The following ALOX5AP variants were observed in gnomAD, a reference collection of about 807,000 sequenced individuals.
ALOX5AP encodes arachidonate 5-lipoxygenase activating protein.
Under a neutral mutation model 18.5 loss-of-function variants are expected in ALOX5AP, and 9 were observed. The ratio of observed to expected loss-of-function variants is 0.49; its 90% CI spans 0.29 to 0.85. The LOEUF is 0.85. Ranked by LOEUF, ALOX5AP falls within the 40% of genes least tolerant of loss-of-function variation. The pLI, the probability that ALOX5AP is intolerant of heterozygous loss-of-function variation, is 0.08. For missense variants in ALOX5AP, 172 were observed against 202.5 expected, an observed-to-expected ratio of 0.85 and a Z score of 0.91; for synonymous variants, 81 against 78.6, an observed-to-expected ratio of 1.03 and a Z score of -0.16.
intron 2 of ALOX5AP, chr13:30,744,534 G>A (rs920032133): frequency 5.9e-6 from 1 of 169,272 alleles, no homozygotes; most frequent in African/African-American, 2.4e-5. Flanking sequence ...GCCACAGGCA[G>A]GACATGCTGA....
intron 1 of ALOX5AP, among the ~76,000 whole-genome samples, chr13:30,735,940 A>G (rs1951717281): frequency 6.6e-6 from 1 of 152,206 alleles, no homozygotes; most frequent in Admixed American, 6.5e-5. Context: ...AGGTTTTGCT[A>G]AAACCCTCAC....
At chr13:30,725,978 C>T (rs1951636495) in intron 1 of ALOX5AP, among the ~76,000 whole-genome samples, 1 of 152,196 alleles carries the variant, frequency 6.6e-6, no homozygotes, top group South Asian at 2.1e-4. Context: ...ATATATGATG[C>T]TATTTCTCCC....
At chr13:30,727,778 T>G (rs1049675409) in intron 1 of ALOX5AP, among the ~76,000 whole-genome samples, 1 of 152,118 alleles carries the variant, frequency 6.6e-6, no homozygotes, top group African/African-American at 2.4e-5. Flanking sequence ...TGTTGGTGAG[T>G]GATAGTTACG....
intron 4 of ALOX5AP, among the ~76,000 whole-genome samples, chr13:30,758,573 C>G (rs1449378796): frequency 6.6e-6 from 1 of 152,132 alleles, no homozygotes. Context: ...GAGCTTCTTC[C>G]TTCAGGCTTC....
Position 30,762,612 on chromosome 13 carries a change from G to T in ALOX5AP, c.324-1332G>T, listed in dbSNP as rs150989666. Among the ~76,000 whole-genome samples, 405 of 151,172 alleles carry T rather than the reference G, an allele frequency of 2.7e-3. 2 individuals carry two copies. The highest frequency in any genetic ancestry group is 9.5e-3 in the African/African-American group (389 of 41,030). ...CAAAAAAAAAAAAAGAAAAGAAAAA[G>T]AAAAATTATGAGTTATATTATCAGC... On this transcript the variant is annotated intron_variant, in intron 4 of 4. Coordinates refer to ENST00000380490, the MANE Select transcript of ALOX5AP (RefSeq NM_001629.4).
intron 1 of ALOX5AP, among the ~76,000 whole-genome samples, chr13:30,714,568 T>C (rs1341806271): frequency 2.8e-5 from 1 of 36,000 alleles, no homozygotes; most frequent in Non-Finnish European, 4.8e-5. Flanking sequence ...GCAAGAGAGC[T>C]TGGTGGAGGT....
chr13:30,723,303 T>C (rs1288232818), intron 1 of ALOX5AP, among the ~76,000 whole-genome samples: 1 of 152,218 alleles, frequency 6.6e-6, no homozygotes, highest in African/African-American at 2.4e-5. Context: ...TGTGTCTAGA[T>C]TCATTTTTTT....
chr13:30,729,740 C>T (rs1368636812), intron 1 of ALOX5AP, among the ~76,000 whole-genome samples: 1 of 152,160 alleles, frequency 6.6e-6, no homozygotes, highest in Admixed American at 6.5e-5. Flanking sequence ...CTATGCCCAT[C>T]TAATTTTTGT....
intron 1 of ALOX5AP, among the ~76,000 whole-genome samples, chr13:30,719,820 C>T (rs1951579259): frequency 6.6e-6 from 1 of 152,052 alleles, no homozygotes; most frequent in Non-Finnish European, 1.5e-5. Context: ...AACAGTAGGA[C>T]TGTAGTTCAA....
chr13:30,741,286 T>G (rs1951762051), intron 1 of ALOX5AP, among the ~76,000 whole-genome samples: 1 of 150,950 alleles, frequency 6.6e-6, no homozygotes. Context: ...TTTTTTTGTA[T>G]TTTTTAGTAG....
In ALOX5AP at chr13:30,752,102, C is replaced by T. The variant is rs148308449; in HGVS notation, c.221C>T (p.Ala74Val). 2.0e-5 allele frequency: 32 copies of T among 1,614,012 alleles called. No homozygotes were observed. The highest frequency in any genetic ancestry group is 1.6e-4 in the African/African-American group (12 of 74,930). Residue 74 changes from alanine (A) to valine (V), a missense_variant, in exon 3 of 5, where the codon GCG (alanine) becomes GTG (valine). Coordinates refer to ENST00000380490, the MANE Select transcript of ALOX5AP (RefSeq NM_001629.4). Reference sequence around the variant, plus strand: ...ACTTTCCTCGCTGTGCTCTGGTCTGCGGGGCTACTTTGCAGCCAAGGTAAC... The same window carrying T: ...ACTTTCCTCGCTGTGCTCTGGTCTGTGGGGCTACTTTGCAGCCAAGGTAAC... ...YPTFLAVLWS[A>V]GLLCSQVPAA...
At chr13:30,719,355 G>A (rs1225138711) in intron 1 of ALOX5AP, among the ~76,000 whole-genome samples, 1 of 152,194 alleles carries the variant, frequency 6.6e-6, no homozygotes, top group Non-Finnish European at 1.5e-5. Flanking sequence ...CTCACAGGGC[G>A]TGACCTCTCT....
At chr13:30,737,349 A>G (rs1951729544) in intron 1 of ALOX5AP, among the ~76,000 whole-genome samples, 1 of 152,242 alleles carries the variant, frequency 6.6e-6, no homozygotes, top group African/African-American at 2.4e-5. Flanking sequence ...TGCTCTGCCC[A>G]GGGCTTTCTC....
intron 1 of ALOX5AP, among the ~76,000 whole-genome samples, chr13:30,716,280 G>A (rs144320817): frequency 2.2e-3 from 340 of 152,282 alleles, no homozygotes; most frequent in Non-Finnish European, 3.3e-3. Flanking sequence ...AAGGGACACC[G>A]GCCTCATACC....
At chr13:30,733,899 G>A (rs1334254998), upstream of ALOX5AP, among the ~76,000 whole-genome samples, 1 of 152,104 alleles carries the variant, frequency 6.6e-6, no homozygotes, top group Admixed American at 6.5e-5. Context: ...CCTGCCCTTG[G>A]ACACTGGAGC....
chr13:30,751,537 TAA>T (rs1303206947), intron 2 of ALOX5AP, among the ~76,000 whole-genome samples: 1 of 152,254 alleles, frequency 6.6e-6, no homozygotes, highest in Non-Finnish European at 1.5e-5. Context: ...CTTAGTAAGC[TAA>T]GTTTCTGAGC....
intron 2 of ALOX5AP, among the ~76,000 whole-genome samples, chr13:30,745,828 G>A (rs530789666): frequency 5.9e-5 from 9 of 152,270 alleles, no homozygotes; most frequent in African/African-American, 2.2e-4. Flanking sequence ...CTCCCCAGAC[G>A]AAATCCAAAG....
At chr13:30,733,381 A>G (rs1425361015), upstream of ALOX5AP, among the ~76,000 whole-genome samples, 1 of 152,204 alleles carries the variant, frequency 6.6e-6, no homozygotes, top group Admixed American at 6.5e-5. Context: ...TTTCTGATGC[A>G]TTGTCACTAA....
chr13:30,740,451 T>C (rs1020751887), intron 1 of ALOX5AP, among the ~76,000 whole-genome samples: 8 of 152,218 alleles, frequency 5.3e-5, no homozygotes, highest in Non-Finnish European at 1.2e-4. Context: ...TTTGCAGCCA[T>C]CTCTCTATCT....
Sources: gnomAD v4.1 joint callset for allele counts (sites outside exome capture counted in the v4.1 genomes callset) on GRCh38, gnomAD v4.1.1 for gene constraint, MANE v1.5 for transcripts, NCBI Gene and HGNC (gene_info 2026-07-23, HGNC 2026-07-21) for gene names.